Variants in PFKFB3 observed in about 807,000 individuals in gnomAD.
PFKFB3 encodes 6-phosphofructo-2-kinase/fructose-2,6-bisphosphatase 3.
A neutral mutation model predicts 68.0 loss-of-function variants in PFKFB3; 33 were observed. The observed-to-expected ratio is 0.49, with a 90% CI of 0.37 to 0.65. The LOEUF is 0.65. Ranked by LOEUF, PFKFB3 falls within the 30% of genes least tolerant of loss-of-function variation. PFKFB3 has a pLI of 0.00. For synonymous variants in PFKFB3, 315 were observed against 288.2 expected, an observed-to-expected ratio of 1.09 and a Z score of -0.94; for missense variants, 586 against 712.2, an observed-to-expected ratio of 0.82 and a Z score of 2.02.
intron 1 of PFKFB3, among the ~76,000 whole-genome samples, chr10:6,176,475 A>G (rs967948185): frequency 2.0e-5 from 3 of 152,148 alleles, no homozygotes; most frequent in Non-Finnish European, 4.4e-5. Context: ...TGGGCCCATC[A>G]TCGCTCACTG....
At chr10:6,177,438 C>CTCTCTCTTTCTTTCTTTCTTTCTT (rs755279276) in intron 1 of PFKFB3, among the ~76,000 whole-genome samples, 2 of 86,630 alleles carry the variant, frequency 2.3e-5, no homozygotes, top group Non-Finnish European at 4.6e-5. Flanking sequence ...TCTTTTCTTT[C>CTCTCTCTTTCTTTCTTTCTTTCTT]TCTTTCTTTC....
At chr10:6,313,943 C>A in the PFKFB3 span, among the ~76,000 whole-genome samples, 1 of 152,196 alleles carries the variant, frequency 6.6e-6, no homozygotes, top group Admixed American at 6.5e-5. The surrounding 1 kb of genome is among the most constrained non-coding windows in gnomAD (Gnocchi z 4.2). Context: ...CTCACCCTAG[C>A]GCCAAGGTGG....
chr10:6,182,515 C>T (rs1721746580), intron 1 of PFKFB3, among the ~76,000 whole-genome samples: 1 of 152,222 alleles, frequency 6.6e-6, no homozygotes, highest in Non-Finnish European at 1.5e-5. Context: ...AGGCCGATCC[C>T]TTCGCCAGAC....
At chr10:6,293,386 G>A in the PFKFB3 span, 1 of 241,882 alleles carries the variant, frequency 4.1e-6, no homozygotes, top group Non-Finnish European at 8.3e-6. Flanking sequence ...TACTCTGTTG[G>A]CCAGGCTGGA....
chr10:6,246,201 C>T (rs1269418971), intron 14 of PFKFB3, among the ~76,000 whole-genome samples: 3 of 152,066 alleles, frequency 2.0e-5, no homozygotes, highest in Non-Finnish European at 4.4e-5. Context: ...ACAGAATTTC[C>T]CAAAGAAAGG....
exon 15 of PFKFB3, chr10:6,254,628 A>C (rs2132085077): frequency 6.4e-6 from 2 of 312,730 alleles, no homozygotes; most frequent in East Asian, 1.0e-4. Context: ...ATGTTCAATA[A>C]ATTACATGAG....
At position 6,215,341 on chromosome 10, in the gene PFKFB3, G is replaced by A. The variant is rs374324060; in HGVS notation, c.299+24G>A. 28 of 1,585,276 alleles carry A rather than the reference G, an allele frequency of 1.8e-5. No individual in the cohort carries two copies. The highest frequency in any genetic ancestry group is 2.3e-5 in the Non-Finnish European group (27 of 1,154,894). On this transcript the variant is annotated intron_variant, in intron 3 of 14. Transcript: ENST00000379775. The surrounding 1 kb of genome is among the most constrained non-coding windows in gnomAD (Gnocchi z 4.3). ...AAGTAAGGCTGGGCCGCGGGCGTAGGGCTGGGCTGTGGGAATAAGGCTGGG... is the reference window on the plus strand; with the variant it reads ...AAGTAAGGCTGGGCCGCGGGCGTAGAGCTGGGCTGTGGGAATAAGGCTGGG...
intron 1 of PFKFB3, among the ~76,000 whole-genome samples, chr10:6,190,412 T>G (rs1842991363): frequency 6.6e-6 from 1 of 152,242 alleles, no homozygotes; most frequent in African/African-American, 2.4e-5. Context: ...CTACATGCAT[T>G]CATTCATTCA....
chr10:6,316,679 T>C, the PFKFB3 span, among the ~76,000 whole-genome samples: 1 of 152,126 alleles, frequency 6.6e-6, no homozygotes, highest in Non-Finnish European at 1.5e-5. Context: ...GGTTTCGCCA[T>C]GTTGGCCAGG....
chr10:6,231,870 C>T (rs1845770604), intron 14 of PFKFB3, among the ~76,000 whole-genome samples: 1 of 151,054 alleles, frequency 6.6e-6, no homozygotes, highest in South Asian at 2.1e-4. Context: ...CTGGCGGGCA[C>T]CCATCACCTC....
chr10:6,149,671 A>G, intron 1 of PFKFB3: 1 of 157,288 alleles, frequency 6.4e-6, no homozygotes. Context: ...AGTAATCGTC[A>G]GGGTTGATTT....
chr10:6,215,305 T>C lies in PFKFB3; in HGVS notation c.287T>C (p.Met96Thr), dbSNP rs764552151. The change falls in exon 3 of 15, where the codon ATG becomes ACG. Residue 96 changes from methionine (M) to threonine (T), a missense_variant. Transcript: ENST00000379775. This position sits in a 1 kb window ranked among gnomAD's most constrained non-coding sequence, Gnocchi z 4.3. ...NFFRPDNEEA[M>T]KVRKQCALAA... ...TTCCGCCCCGACAATGAGGAAGCCA[T>C]GAAAGTCCGGAAGTAAGGCTGGGCC... The C allele has an allele frequency of 1.9e-6, 3 of 1,613,318 alleles. No individual in the cohort carries two copies. The highest frequency in any genetic ancestry group is 2.5e-6 in the Non-Finnish European group (3 of 1,179,792).
intron 13 of PFKFB3, chr10:6,224,592 C>T (rs769058779): frequency 3.3e-5 from 14 of 418,126 alleles, no homozygotes; most frequent in East Asian, 1.4e-4. Context: ...GTGATCCTCC[C>T]GCCTCAGCCT....
chr10:6,231,877 CCT>C (rs1325648956), intron 14 of PFKFB3, among the ~76,000 whole-genome samples: 3 of 151,426 alleles, frequency 2.0e-5, no homozygotes, highest in Non-Finnish European at 4.4e-5. Flanking sequence ...GCACCCATCA[CCT>C]CTCGGCGGGC....
rs575564763 is a variant in PFKFB3, at chr10:6,229,407, C to T, written c.1515+3042C>T. On this transcript the variant is annotated intron_variant, in intron 14 of 14. Coordinates refer to ENST00000379775, the MANE Select transcript of PFKFB3 (RefSeq NM_004566.4). The surrounding 1 kb of genome is among the most constrained non-coding windows in gnomAD (Gnocchi z 4.3). ...CTTCAGAAAGCCGGCCGCCTCCTCT[C>T]TGCGGCTTCTGGGAGTGGGCTGGGT... Among the ~76,000 whole-genome samples, 139 of 152,368 alleles carry T rather than the reference C, an allele frequency of 9.1e-4. No individual in the cohort carries two copies. The highest frequency in any genetic ancestry group is 3.3e-3 in the African/African-American group (136 of 41,596).
chr10:6,191,307 C>A (rs1339495286), intron 1 of PFKFB3, among the ~76,000 whole-genome samples: 2 of 152,226 alleles, frequency 1.3e-5, no homozygotes, highest in South Asian at 4.1e-4. Context: ...TCTGAATCCC[C>A]ACCAGCAGGG....
intron 1 of PFKFB3, among the ~76,000 whole-genome samples, chr10:6,204,280 G>A (rs1455570762): frequency 2.0e-5 from 3 of 152,260 alleles, no homozygotes; most frequent in South Asian, 2.1e-4. Flanking sequence ...TGGACAGGGA[G>A]CCGCCTGGTG....
chr10:6,162,157 G>A (rs1051693616), intron 1 of PFKFB3, among the ~76,000 whole-genome samples: 1 of 152,146 alleles, frequency 6.6e-6, no homozygotes, highest in African/African-American at 2.4e-5. Flanking sequence ...TTTGTGCCTG[G>A]CCTATTTCAC....
chr10:6,271,475 G>A, the PFKFB3 span, among the ~76,000 whole-genome samples: 4 of 152,236 alleles, frequency 2.6e-5, no homozygotes, highest in African/African-American at 7.2e-5. Flanking sequence ...AGTGCTTGCG[G>A]AAGGGCTGGG....
Sources: gnomAD v4.1 joint callset for allele counts (sites outside exome capture counted in the v4.1 genomes callset) on GRCh38, gnomAD v4.1.1 for gene constraint, Gnocchi (gnomAD v3.1) non-coding constraint, MANE v1.5 for transcripts, NCBI Gene and HGNC (gene_info 2026-07-23, HGNC 2026-07-21) for gene names.